The following MBNL2 variants were observed in gnomAD, a reference collection of about 807,000 sequenced individuals.
MBNL2 encodes the protein muscleblind like splicing regulator 2.
A neutral mutation model predicts 41.9 loss-of-function variants in MBNL2; 17 were observed. The observed-to-expected ratio is 0.41, with a 90% CI of 0.28 to 0.61. The LOEUF (loss-of-function observed/expected upper bound fraction) is 0.61, where lower values mean the gene tolerates loss of function less well. Among genes scored for constraint, MBNL2 ranks in the 20% least tolerant of loss-of-function variants. The pLI is 0.35. For missense variants in MBNL2, 336 were observed against 505.6 expected, an observed-to-expected ratio of 0.66 and a Z score of 3.22; for synonymous variants, 195 against 182.9, an observed-to-expected ratio of 1.07 and a Z score of -0.53.
chr13:97,250,681 A>AAAAG (rs2046341595), intron 1 of MBNL2, among the ~76,000 whole-genome samples: 1 of 152,178 alleles, frequency 6.6e-6, no homozygotes, highest in South Asian at 2.1e-4. Flanking sequence ...ATCTTGAAAG[A>AAAAG]AAAGAAGTCT....
chr13:97,358,568 C>T (rs537997166), intron 7 of MBNL2, among the ~76,000 whole-genome samples: 12 of 152,166 alleles, frequency 7.9e-5, no homozygotes, highest in South Asian at 2.1e-4. Flanking sequence ...CCATTTGCAC[C>T]GACATCTCTA....
the MBNL2 span, among the ~76,000 whole-genome samples, chr13:97,143,191 T>C: frequency 2.0e-5 from 3 of 152,242 alleles, no homozygotes; most frequent in Non-Finnish European, 4.4e-5. Flanking sequence ...TGTAAAGTTT[T>C]GTCAACATAG....
the MBNL2 span, among the ~76,000 whole-genome samples, chr13:97,167,397 AAAAAAG>A: frequency 5.3e-5 from 8 of 152,224 alleles, no homozygotes; most frequent in South Asian, 1.7e-3. Context: ...TGTAAAAAAA[AAAAAAG>A]AAAAAAAGTG....
chr13:97,238,296 C>T (rs1193921142), intron 1 of MBNL2, among the ~76,000 whole-genome samples: 2 of 152,148 alleles, frequency 1.3e-5, no homozygotes, highest in Non-Finnish European at 2.9e-5. Flanking sequence ...ATGACACAGG[C>T]TTGGGAAAGC....
chr13:97,260,727 T>G (rs1348192158), intron 1 of MBNL2, among the ~76,000 whole-genome samples: 1 of 152,176 alleles, frequency 6.6e-6, no homozygotes, highest in Non-Finnish European at 1.5e-5. Flanking sequence ...AGAGTGCATT[T>G]GAAGCCATAA....
At chr13:97,296,141 C>A (rs990844957) in intron 2 of MBNL2, among the ~76,000 whole-genome samples, 2 of 152,172 alleles carry the variant, frequency 1.3e-5, no homozygotes, top group African/African-American at 4.8e-5. Flanking sequence ...TTGAGACACT[C>A]ATTTCCTCTC....
intron 8 of MBNL2, among the ~76,000 whole-genome samples, chr13:97,379,239 G>T (rs549817120): frequency 6.6e-6 from 1 of 152,236 alleles, no homozygotes; most frequent in African/African-American, 2.4e-5. Flanking sequence ...GGTGAGAATA[G>T]CAAGAGAATC....
intron 2 of MBNL2, among the ~76,000 whole-genome samples, chr13:97,291,917 A>AAAAAAAAAAT (rs398070410): frequency 8.0e-6 from 1 of 125,426 alleles, no homozygotes; most frequent in African/African-American, 3.1e-5. Context: ...AAAAAAAAAA[A>AAAAAAAAAAT]GTGGGCTGGG....
At chr13:97,272,755 A>G (rs746296972) in intron 1 of MBNL2, among the ~76,000 whole-genome samples, 3 of 152,240 alleles carry the variant, frequency 2.0e-5, no homozygotes, top group Non-Finnish European at 4.4e-5. Context: ...AATTAGCTCA[A>G]TTTAGCTATT....
intron 1 of MBNL2, among the ~76,000 whole-genome samples, chr13:97,273,733 T>C (rs73555801): frequency 0.02 from 2,979 of 152,272 alleles, 111 homozygotes; most frequent in African/African-American, 0.068. Context: ...GCTTCTCCCT[T>C]ATAAGGGACC....
rs1174978851 is a variant in MBNL2, at chr13:97,391,334, T to C, written c.1061T>C (p.Ile354Thr). 4.1e-6 allele frequency: 6 copies of C among 1,469,714 alleles called. No homozygotes were observed. The highest frequency in any genetic ancestry group is 3.8e-6 in the Non-Finnish European group (4 of 1,049,204). 91.0% of individuals were successfully genotyped at this position (1,469,714 alleles called of 1,614,324 possible). A position where few individuals can be genotyped will look rare whatever the true frequency, so the allele number is the denominator to read the frequency against. ...TPATSIDNSE[I>T]ISRNGMECQE... ...TTCTCTTTAACAGATAATTCTGAAATAATCAGCAGAAACGGAATGGAATGC... is the reference window on the plus strand; with the variant it reads ...TTCTCTTTAACAGATAATTCTGAAACAATCAGCAGAAACGGAATGGAATGC... The change falls in exon 9 of 9, where the codon ATA (isoleucine) becomes ACA (threonine). Residue 354 changes from isoleucine (I) to threonine (T), a missense_variant. Physicochemically the swap from Ile to Thr is moderately conservative, Grantham distance 89. Transcript: ENST00000679496.
chr13:97,307,051 T>C (rs1291801515), intron 2 of MBNL2, among the ~76,000 whole-genome samples: 3 of 152,200 alleles, frequency 2.0e-5, no homozygotes, highest in Non-Finnish European at 2.9e-5. Flanking sequence ...TCAAGGCATG[T>C]TCCTGTTATC....
At chr13:97,226,182 C>A (rs2041579833) in intron 1 of MBNL2, among the ~76,000 whole-genome samples, 1 of 152,170 alleles carries the variant, frequency 6.6e-6, no homozygotes, top group African/African-American at 2.4e-5. Context: ...CCAGTCCCGG[C>A]CTCCTCTGCT....
rs1253401114 is a variant in MBNL2, at chr13:97,380,026, TTATAG to T, written c.1049-11291_1049-11287del. On this transcript the variant is annotated intron_variant, in intron 8 of 8. Transcript: ENST00000679496. ...ACCTAGGTTTTCATTTAATAAAATC[TTATAG>T]TATAAAATGGTTCTTCTTGCATTAA... Among the ~76,000 whole-genome samples, 3 of 152,346 alleles carry T rather than the reference TTATAG, an allele frequency of 2.0e-5. No individual in the cohort carries two copies. In the East Asian group the frequency reaches 5.8e-4, roughly 29 times the overall value.
chr13:97,247,823 C>T (rs1009430223), intron 1 of MBNL2, among the ~76,000 whole-genome samples: 1 of 152,140 alleles, frequency 6.6e-6, no homozygotes, highest in African/African-American at 2.4e-5. Flanking sequence ...ATTGCTCTAC[C>T]TGTGAATTTT....
chr13:97,193,762 G>A, the MBNL2 span, among the ~76,000 whole-genome samples: 4 of 152,096 alleles, frequency 2.6e-5, no homozygotes, highest in South Asian at 2.1e-4. Context: ...TAGGAGAGAC[G>A]TCAAGAAGCG....
intron 2 of MBNL2, among the ~76,000 whole-genome samples, chr13:97,308,592 C>CT (rs2058322732): frequency 6.6e-6 from 1 of 152,200 alleles, no homozygotes; most frequent in African/African-American, 2.4e-5. Flanking sequence ...ACACCTAATG[C>CT]TTATTTTATT....
chr13:97,248,069 T>C lies in MBNL2; in HGVS notation c.-605+25538T>C, dbSNP rs1317593051. On this transcript the variant is annotated intron_variant, in intron 1 of 8. Transcript: ENST00000679496. ...GGATTTAGCATGTAATTATTTATTATTTGCATAGCAATTCACTTTTCATTA... is the reference window on the plus strand; with the variant it reads ...GGATTTAGCATGTAATTATTTATTACTTGCATAGCAATTCACTTTTCATTA... 2.0e-5 allele frequency among the ~76,000 whole-genome samples: 3 copies of C among 152,252 alleles called. No homozygotes were observed. The East Asian group carries it at 5.8e-4, about 29-fold the overall frequency.
chr13:97,208,111 A>T, the MBNL2 span, among the ~76,000 whole-genome samples: 1 of 152,222 alleles, frequency 6.6e-6, no homozygotes, highest in Admixed American at 6.5e-5. Context: ...GAGTCCGTGA[A>T]ATTAAGTTTG....
Sources: gnomAD v4.1 joint callset for allele counts (sites outside exome capture counted in the v4.1 genomes callset) on GRCh38, gnomAD v4.1.1 for gene constraint, MANE v1.5 for transcripts, NCBI Gene and HGNC (gene_info 2026-07-23, HGNC 2026-07-21) for gene names.